The following DEPDC5 variants were observed in gnomAD, a reference collection of about 807,000 sequenced individuals.
DEPDC5 encodes DEP domain containing 5, GATOR1 subcomplex subunit.
A neutral mutation model predicts 217.3 loss-of-function variants in DEPDC5; 73 were observed. That is an observed-to-expected ratio of 0.34 (90% CI 0.28 to 0.41). The LOEUF is 0.41. Among genes scored for constraint, DEPDC5 ranks in the 10% least tolerant of loss-of-function variants. The pLI, the probability that DEPDC5 is intolerant of heterozygous loss-of-function variation, is 1.00. For missense variants in DEPDC5, 1,675 were observed against 2,070.1 expected (o/e 0.81, Z 3.70); for synonymous variants, 733 against 756.7 (o/e 0.97, Z 0.51).
At chr22:31,892,478 GT>G (rs1330680969) in intron 38 of DEPDC5, among the ~76,000 whole-genome samples, 2 of 152,194 alleles carry the variant, frequency 1.3e-5, no homozygotes, top group Non-Finnish European at 2.9e-5. Context: ...GCGGTCAGGA[GT>G]TTGAGACCAG....
intron 18 of DEPDC5, among the ~76,000 whole-genome samples, chr22:31,807,441 T>G (rs931155198): frequency 5.9e-5 from 9 of 152,212 alleles, no homozygotes; most frequent in Non-Finnish European, 1.0e-4. Flanking sequence ...TGTCGTTGTT[T>G]GTTTTTTTGA....
intron 33 of DEPDC5, among the ~76,000 whole-genome samples, chr22:31,866,949 TC>T (rs1352932778): frequency 6.6e-6 from 1 of 152,274 alleles, no homozygotes; most frequent in Non-Finnish European, 1.5e-5. Context: ...GTTAGCCATC[TC>T]TACTATGAAG....
chr22:31,799,435 T>C (rs1408846312), intron 14 of DEPDC5, among the ~76,000 whole-genome samples: 1 of 151,776 alleles, frequency 6.6e-6, no homozygotes, highest in Non-Finnish European at 1.5e-5. Flanking sequence ...GGTGGTTTGC[T>C]GCACCTATCA....
intron 12 of DEPDC5, among the ~76,000 whole-genome samples, chr22:31,794,257 A>C (rs1386166896): frequency 6.6e-6 from 1 of 152,000 alleles, no homozygotes; most frequent in Non-Finnish European, 1.5e-5. Flanking sequence ...CTGTACTGAC[A>C]CCTCCACTCA....
intron 12 of DEPDC5, among the ~76,000 whole-genome samples, chr22:31,795,806 C>T (rs1244152022): frequency 6.6e-6 from 1 of 151,818 alleles, no homozygotes; most frequent in African/African-American, 2.4e-5. Context: ...TCTCAGCTCA[C>T]TGCAACCTCC....
Position 31,874,351 on chromosome 22 carries a change from G to T in DEPDC5, c.3642G>T (p.Leu1214Phe). The T allele has an allele frequency of 1.2e-6, 2 of 1,611,768 alleles. No homozygotes were observed. Among genetic ancestry groups the T allele is most frequent in the Non-Finnish European group, 1.7e-6 (2 of 1,178,990 alleles). ...TCAGCGCGGAGGTGGTACACTGGTTGGTGAACCACGTGGAGGGGATCCAGA... is the reference window on the plus strand; with the variant it reads ...TCAGCGCGGAGGTGGTACACTGGTTTGTGAACCACGTGGAGGGGATCCAGA... ...CFISAEVVHW[L>F]VNHVEGIQTQ... Residue 1214 changes from leucine (L) to phenylalanine (F), a missense_variant, in exon 36 of 43, where the codon TTG (leucine) becomes TTT (phenylalanine). Coordinates refer to ENST00000651528, the MANE Select transcript of DEPDC5 (RefSeq NM_001242896.3).
At position 31,845,078 on chromosome 22, in the gene DEPDC5, C is replaced by T. The variant is rs1027803497; in HGVS notation, c.2862C>T (p.Thr954=). 1.3e-5 allele frequency: 21 copies of T among 1,614,060 alleles called. No individual in the cohort carries two copies. The highest frequency in any genetic ancestry group is 2.2e-5 in the East Asian group (1 of 44,892). The change falls in exon 30 of 43, where the codon ACC becomes ACT. Residue 954 remains threonine, a synonymous_variant. Transcript: ENST00000651528. The stretch of plus-strand genomic sequence containing the variant: ...TCCTGCTGCTGCCAGCCTGTGTCAC[C>T]GCCACCAAGCGCATCACGGAGGGGG... ...TRFLLLPACV[T]ATKRITEGEA...
At chr22:31,774,025 C>T (rs1352067496) in intron 7 of DEPDC5, among the ~76,000 whole-genome samples, 11 of 152,000 alleles carry the variant, frequency 7.2e-5, no homozygotes, top group East Asian at 1.9e-4. Context: ...GAGCCGAGAT[C>T]GTGCCATTGC....
intron 22 of DEPDC5, 106 bp downstream of exon 22, chr22:31,819,331 T>TTACAGGTGGA: frequency 8.2e-7 from 1 of 1,226,118 alleles, no homozygotes; most frequent in Non-Finnish European, 1.2e-6. Context: ...TTGCTCCACC[T>TTACAGGTGGA]GTAAGATGGG....
At chr22:31,878,419 G>A (rs1455026380) in intron 37 of DEPDC5, among the ~76,000 whole-genome samples, 1 of 152,054 alleles carries the variant, frequency 6.6e-6, no homozygotes, top group Non-Finnish European at 1.5e-5. Flanking sequence ...CTGATCATAA[G>A]GTCAAGTGTG....
chr22:31,898,773 T>TA (rs1479931539), intron 40 of DEPDC5, among the ~76,000 whole-genome samples: 1 of 152,222 alleles, frequency 6.6e-6, no homozygotes, highest in African/African-American at 2.4e-5. Flanking sequence ...CACAATGTTC[T>TA]AAGTGATAAT....
chr22:31,901,742 G>A lies in DEPDC5; in HGVS notation c.4376G>A (p.Ser1459Asn), dbSNP rs1245607244. 1.9e-6 allele frequency: 3 copies of A among 1,612,338 alleles called. No homozygotes were observed. The highest frequency in any genetic ancestry group is 2.5e-6 in the Non-Finnish European group (3 of 1,179,084). ...ATATTTATTCTTATTTTCCTTTCAG[G>A]CTTTGAACCCGAAACGTACTGGGAT... is the stretch of plus-strand genomic sequence containing the variant. ...LKEGSEHLFD[S>N]FEPETYWDRM... The change falls in exon 41 of 43, where the codon AGC becomes AAC. Residue 1459 changes from serine to asparagine, a missense_variant and splice_region_variant. By Grantham distance (46) the Ser-to-Asn change is conservative. Coordinates refer to ENST00000651528, the MANE Select transcript of DEPDC5 (RefSeq NM_001242896.3).
intron 41 of DEPDC5, among the ~76,000 whole-genome samples, chr22:31,905,188 T>C (rs974306888): frequency 6.6e-6 from 1 of 151,994 alleles, no homozygotes; most frequent in Admixed American, 6.6e-5. Flanking sequence ...CGTTCCTCTT[T>C]TTTTTTCTTT....
chr22:31,774,564 G>T (rs1186449303), intron 7 of DEPDC5, among the ~76,000 whole-genome samples: 2 of 151,930 alleles, frequency 1.3e-5, no homozygotes, highest in African/African-American at 4.8e-5. Flanking sequence ...GAGCTGGCTG[G>T]GTGCGGTGGC....
At chr22:31,821,160 T>C (rs752706393) in intron 22 of DEPDC5, among the ~76,000 whole-genome samples, 1 of 152,276 alleles carries the variant, frequency 6.6e-6, no homozygotes, top group Non-Finnish European at 1.5e-5. Context: ...GGTGTTTCAC[T>C]TGTATTTCCC....
chr22:31,801,493 C>T (rs944809895), intron 14 of DEPDC5, among the ~76,000 whole-genome samples: 2 of 151,962 alleles, frequency 1.3e-5, no homozygotes, highest in African/African-American at 4.8e-5. Flanking sequence ...ATATTGTTTG[C>T]AAATAACAGA....
chr22:31,873,706 G>A (rs1367513130), intron 35 of DEPDC5: 1 of 176,258 alleles, frequency 5.7e-6, no homozygotes, highest in African/African-American at 2.4e-5. Context: ...TATGATGCCT[G>A]ACAAGTATAG....
chr22:31,803,567 A>C lies in DEPDC5; in HGVS notation c.1082-595A>C, dbSNP rs193137805. Among the ~76,000 whole-genome samples the C allele has an allele frequency of 2.3e-3, 345 of 151,964 alleles. 1 individual carries two copies. The highest frequency in any genetic ancestry group is 4.0e-3 in the Non-Finnish European group (274 of 67,980). ...GGTCATCTAGTCCAGTCCTTCCTCC[A>C]TGATGTGCCTCGTATCCCCAACTCA... On this transcript the variant is annotated intron_variant, in intron 15 of 42. Coordinates refer to ENST00000651528, the MANE Select transcript of DEPDC5 (RefSeq NM_001242896.3).
intron 24 of DEPDC5, among the ~76,000 whole-genome samples, chr22:31,827,347 T>G (rs150147138): frequency 6.6e-6 from 1 of 152,330 alleles, no homozygotes; most frequent in East Asian, 1.9e-4. Context: ...TATAACCATA[T>G]ATCGGACATT....
Sources: gnomAD v4.1 joint callset for allele counts (sites outside exome capture counted in the v4.1 genomes callset) on GRCh38, gnomAD v4.1.1 for gene constraint, MANE v1.5 for transcripts, NCBI Gene and HGNC (gene_info 2026-07-23, HGNC 2026-07-21) for gene names.